CNTNAP5: variants seen among roughly 807,000 people sequenced by gnomAD.
CNTNAP5 encodes contactin-associated protein-like 5.
Under a neutral mutation model 150.2 loss-of-function variants are expected in CNTNAP5, and 72 were observed. The observed-to-expected ratio is 0.48, with a 90% CI of 0.40 to 0.58. CNTNAP5 has a LOEUF of 0.58. Ranked by LOEUF, CNTNAP5 falls within the 20% of genes least tolerant of loss-of-function variation. The pLI, the probability that CNTNAP5 is intolerant of heterozygous loss-of-function variation, is 0.00. For missense variants in CNTNAP5, 1,636 were observed against 1,626.2 expected (o/e 1.01, Z -0.10); for synonymous variants, 672 against 619.8 (o/e 1.08, Z -1.25).
At chr2:124,525,311 A>G (rs1487578790) in intron 9 of CNTNAP5, among the ~76,000 whole-genome samples, 1 of 152,178 alleles carries the variant, frequency 6.6e-6, no homozygotes, top group Non-Finnish European at 1.5e-5. Context: ...AATCTGAAAC[A>G]CGGGGAAATA....
At chr2:124,397,888 G>T (rs1394629253) in intron 3 of CNTNAP5, among the ~76,000 whole-genome samples, 1 of 152,104 alleles carries the variant, frequency 6.6e-6, no homozygotes, top group Non-Finnish European at 1.5e-5. Context: ...ATGAAAAATC[G>T]CAACTTTGTA....
At chr2:124,104,991 G>A (rs952763451) in intron 1 of CNTNAP5, among the ~76,000 whole-genome samples, 7 of 151,896 alleles carry the variant, frequency 4.6e-5, no homozygotes, top group East Asian at 1.9e-4. Flanking sequence ...CCCCTCCCTC[G>A]GACCAACCAC....
chr2:124,084,991 G>A (rs1371372529), intron 1 of CNTNAP5, among the ~76,000 whole-genome samples: 1 of 133,686 alleles, frequency 7.5e-6, no homozygotes, highest in Non-Finnish European at 1.5e-5. Context: ...GCGTGATCTC[G>A]GCTCACCGCA....
At chr2:124,127,354 G>T (rs1305226982) in intron 1 of CNTNAP5, among the ~76,000 whole-genome samples, 3 of 152,136 alleles carry the variant, frequency 2.0e-5, no homozygotes, top group Non-Finnish European at 2.9e-5. Context: ...ACTTACAAGG[G>T]ATGTGAAGGA....
intron 13 of CNTNAP5, among the ~76,000 whole-genome samples, chr2:124,739,736 C>T (rs1036009911): frequency 7.9e-5 from 12 of 152,160 alleles, no homozygotes; most frequent in African/African-American, 1.9e-4. Flanking sequence ...CACACTTTGT[C>T]GAAGTCCTCC....
At chr2:124,422,200 C>A (rs540745272) in intron 4 of CNTNAP5, among the ~76,000 whole-genome samples, 70 of 152,154 alleles carry the variant, frequency 4.6e-4, no homozygotes, top group Non-Finnish European at 9.4e-4. Context: ...TAAGGAATTA[C>A]TTTTGTTTCT....
chr2:124,849,070 A>T (rs183604771), intron 19 of CNTNAP5, among the ~76,000 whole-genome samples: 2 of 152,210 alleles, frequency 1.3e-5, no homozygotes, highest in East Asian at 3.9e-4. Context: ...TGCCAAGACT[A>T]ATATTAAGGA....
At chr2:124,510,147 G>A (rs978109771) in intron 8 of CNTNAP5, among the ~76,000 whole-genome samples, 1 of 151,504 alleles carries the variant, frequency 6.6e-6, no homozygotes, top group African/African-American at 2.4e-5. Context: ...GGCAGAGACT[G>A]CAGTGAGCCA....
chr2:124,492,340 C>T lies in CNTNAP5; in HGVS notation c.1063-11952C>T, dbSNP rs139145258. Among the ~76,000 whole-genome samples the T allele has an allele frequency of 1.4e-3, 213 of 152,194 alleles. 1 individual carries two copies. Among genetic ancestry groups the T allele is most frequent in the African/African-American group, 4.9e-3 (205 of 41,522 alleles). On this transcript the variant is annotated intron_variant, in intron 7 of 23. Coordinates refer to ENST00000682447, the MANE Select transcript of CNTNAP5 (RefSeq NM_001367498.1). ...TTTCATTCTTTTGCAGGAGGATATC[C>T]ACTTTTCTCAACACCACTGGTTGAA... is the stretch of plus-strand genomic sequence containing the variant.
chr2:124,117,482 C>T (rs2104712413), intron 1 of CNTNAP5, among the ~76,000 whole-genome samples: 1 of 152,224 alleles, frequency 6.6e-6, no homozygotes, highest in East Asian at 1.9e-4. Flanking sequence ...TAACAAGAAG[C>T]ACTGCATCCT....
rs1429715738 is a variant in CNTNAP5, at chr2:124,919,973, G to A, written c.*5685G>A. ...TCTTTCTTTTCCTTCCATTCATCCT[G>A]ACATGAATAAGCATAACATAACTGT... On this transcript the variant is annotated 3_prime_UTR_variant, in exon 24 of 24. Coordinates refer to ENST00000682447, the MANE Select transcript of CNTNAP5 (RefSeq NM_001367498.1). Among the ~76,000 whole-genome samples the A allele has an allele frequency of 6.6e-6, 1 of 151,924 alleles. No individual in the cohort carries two copies. The highest frequency in any genetic ancestry group is 2.4e-5 in the African/African-American group (1 of 41,360).
intron 1 of CNTNAP5, among the ~76,000 whole-genome samples, chr2:124,103,636 C>A (rs965567954): frequency 1.3e-5 from 2 of 151,914 alleles, no homozygotes; most frequent in African/African-American, 4.8e-5. Flanking sequence ...AGGTTTGTAG[C>A]CTAGGAGCAA....
chr2:124,476,258 A>G (rs920993079), intron 7 of CNTNAP5, among the ~76,000 whole-genome samples: 2 of 152,176 alleles, frequency 1.3e-5, no homozygotes, highest in African/African-American at 4.8e-5. Flanking sequence ...TTTTGCTACA[A>G]TGTCAAACAT....
chr2:124,837,032 T>A (rs985853412), intron 19 of CNTNAP5, among the ~76,000 whole-genome samples: 2 of 151,894 alleles, frequency 1.3e-5, no homozygotes, highest in Non-Finnish European at 2.9e-5. Context: ...TCTTCCCCTG[T>A]GAGAGGGGAT....
intron 1 of CNTNAP5, among the ~76,000 whole-genome samples, chr2:124,130,591 AG>A (rs2104601672): frequency 6.6e-6 from 1 of 152,240 alleles, no homozygotes; most frequent in East Asian, 1.9e-4. Context: ...ATCTATGCAA[AG>A]CTATCTTCTT....
chr2:124,890,623 C>T (rs1238455746), intron 21 of CNTNAP5, among the ~76,000 whole-genome samples: 6 of 152,104 alleles, frequency 3.9e-5, no homozygotes, highest in African/African-American at 1.4e-4. Flanking sequence ...ACGTGGTGTG[C>T]AAAGCCAGAT....
At chr2:124,668,946 C>G (rs1678754318) in intron 13 of CNTNAP5, among the ~76,000 whole-genome samples, 1 of 152,158 alleles carries the variant, frequency 6.6e-6, no homozygotes, top group Non-Finnish European at 1.5e-5. Context: ...AAGCCTTACT[C>G]ACTCACTCCT....
chr2:124,039,936 A>G (rs955916043), intron 1 of CNTNAP5, among the ~76,000 whole-genome samples: 20 of 152,166 alleles, frequency 1.3e-4, no homozygotes, highest in Non-Finnish European at 1.5e-5. Context: ...GTACATGTGC[A>G]TATCCGCTAT....
At chr2:124,649,654 T>G (rs1678278301) in intron 13 of CNTNAP5, among the ~76,000 whole-genome samples, 1 of 152,116 alleles carries the variant, frequency 6.6e-6, no homozygotes, top group Non-Finnish European at 1.5e-5. Context: ...ATATTGGGAG[T>G]AAGGGCTTGA....
Sources: allele counts gnomAD v4.1 joint callset (sites outside exome capture counted in the v4.1 genomes callset), GRCh38; gene constraint gnomAD v4.1.1; transcripts MANE v1.5; gene names NCBI Gene and HGNC (gene_info 2026-07-23, HGNC 2026-07-21).